CCDC192: variants seen among roughly 807,000 people sequenced by gnomAD.
CCDC192 encodes coiled-coil domain containing 192.
chr5:127,786,338 A>G (rs997917664), intron 3 of CCDC192: 7 of 523,236 alleles, frequency 1.3e-5, no homozygotes, highest in Non-Finnish European at 2.5e-5. Flanking sequence ...TCTGTGACAG[A>G]AAAAAAAAAG....
chr5:127,828,920 G>C (rs1749660402), intron 5 of CCDC192, among the ~76,000 whole-genome samples: 1 of 152,180 alleles, frequency 6.6e-6, no homozygotes, highest in South Asian at 2.1e-4. Flanking sequence ...TTATATTATA[G>C]AAACAGACTG....
chr5:127,905,366 A>C (rs1561546461), intron 6 of CCDC192, among the ~76,000 whole-genome samples: 1 of 152,236 alleles, frequency 6.6e-6, no homozygotes, highest in Non-Finnish European at 1.5e-5. Context: ...AGCACTTGGA[A>C]AAATATTGAA....
At chr5:127,847,683 G>C (rs186740555) in intron 5 of CCDC192, among the ~76,000 whole-genome samples, 1 of 151,832 alleles carries the variant, frequency 6.6e-6, no homozygotes, top group South Asian at 2.1e-4. Flanking sequence ...ATTACCAGGC[G>C]TGGTGGCAGG....
intron 5 of CCDC192, 66 bp from the exon 6 acceptor site, chr5:127,875,472 A>G (rs934109829): frequency 2.5e-6 from 1 of 396,162 alleles, no homozygotes; most frequent in African/African-American, 2.1e-5. Context: ...GACATCATTC[A>G]TTCCTTTTAT....
intron 2 of CCDC192, among the ~76,000 whole-genome samples, chr5:127,741,882 C>G (rs1753440381): frequency 6.6e-6 from 1 of 152,164 alleles, no homozygotes; most frequent in Non-Finnish European, 1.5e-5. Context: ...CTAACATCTA[C>G]CAGAATCTTC....
At chr5:127,887,305 G>C (rs1752595016) in intron 6 of CCDC192, among the ~76,000 whole-genome samples, 1 of 121,666 alleles carries the variant, frequency 8.2e-6, no homozygotes, top group Non-Finnish European at 1.6e-5. Flanking sequence ...CTCCAGCCTG[G>C]GTAACAGAGA....
chr5:127,888,168 C>A (rs1051908735), intron 6 of CCDC192, among the ~76,000 whole-genome samples: 1 of 151,924 alleles, frequency 6.6e-6, no homozygotes, highest in Non-Finnish European at 1.5e-5. Flanking sequence ...GTAATCCCAG[C>A]ACGTTGGGAG....
chr5:127,717,942 A>G (rs1379303919), intron 2 of CCDC192, among the ~76,000 whole-genome samples: 3 of 151,150 alleles, frequency 2.0e-5, no homozygotes, highest in African/African-American at 4.8e-5. Context: ...AAAAAAAAAA[A>G]AAAGAAAACA....
rs548433067 is a variant in CCDC192 at position 127,787,946 on chromosome 5, A to G, written c.223-9157A>G. Among the ~76,000 whole-genome samples the G allele has an allele frequency of 3.3e-5, 5 of 152,184 alleles. No homozygotes were observed. In the South Asian group the frequency reaches 8.3e-4, roughly 25 times the overall value. The stretch of plus-strand genomic sequence containing the variant: ...AAAATACAAAAATTTGCTGGGCATC[A>G]TAATGCATGCCTGTAATCCCAGCTA... On this transcript the variant is annotated intron_variant, in intron 3 of 6. Transcript: ENST00000514853.
At chr5:127,911,892 T>A (rs1753367265) in intron 6 of CCDC192, among the ~76,000 whole-genome samples, 1 of 151,858 alleles carries the variant, frequency 6.6e-6, no homozygotes, top group Admixed American at 6.6e-5. Flanking sequence ...TGGGCTTTTT[T>A]AAGTTCTTTA....
intron 5 of CCDC192, among the ~76,000 whole-genome samples, chr5:127,832,415 G>C (rs529946377): frequency 2.6e-5 from 4 of 152,272 alleles, no homozygotes; most frequent in African/African-American, 9.6e-5. Flanking sequence ...TCCTGCACCA[G>C]AAGAATCGCT....
At chr5:127,733,701 T>G (rs976778753) in intron 2 of CCDC192, among the ~76,000 whole-genome samples, 3 of 152,114 alleles carry the variant, frequency 2.0e-5, no homozygotes, top group African/African-American at 7.2e-5. Context: ...ACCTATAACC[T>G]GTCACTTTCC....
At chr5:127,848,337 A>G (rs2127078819) in intron 5 of CCDC192, among the ~76,000 whole-genome samples, 1 of 152,284 alleles carries the variant, frequency 6.6e-6, no homozygotes, top group South Asian at 2.1e-4. Flanking sequence ...CTTGAGAGTG[A>G]ACTTGGAACT....
At chr5:127,804,670 GT>G (rs1296585414) in intron 5 of CCDC192, among the ~76,000 whole-genome samples, 1 of 152,148 alleles carries the variant, frequency 6.6e-6, no homozygotes, top group African/African-American at 2.4e-5. Flanking sequence ...TATCCCAGTA[GT>G]TCTGAAAATG....
At chr5:127,891,399 G>A (rs527973913) in intron 6 of CCDC192, among the ~76,000 whole-genome samples, 2 of 152,132 alleles carry the variant, frequency 1.3e-5, no homozygotes, top group African/African-American at 2.4e-5. Context: ...CAAGCCATCC[G>A]TGAGGGATTC....
chr5:127,721,912 C>T lies in CCDC192; in HGVS notation c.114+14152C>T, dbSNP rs565690806. Among the ~76,000 whole-genome samples the T allele has an allele frequency of 1.9e-3, 285 of 152,250 alleles. 1 individual carries two copies. Among genetic ancestry groups the T allele is most frequent in the African/African-American group, 6.3e-3 (261 of 41,542 alleles). On this transcript the variant is annotated intron_variant, in intron 2 of 6. Transcript: ENST00000514853. ...TCATGAGAGCTCACTCATTATCATG[C>T]GAACTACAAGGGGGAGTAAGCCCCA...
chr5:127,717,915 A>G lies in CCDC192; in HGVS notation c.114+10155A>G, dbSNP rs749495226. 8.2e-4 allele frequency among the ~76,000 whole-genome samples: 118 copies of G among 143,996 alleles called. 7 individuals carry two copies. The highest frequency in any genetic ancestry group is 3.6e-4 in the Non-Finnish European group (24 of 66,240). 94.5% of individuals were successfully genotyped at this position (143,996 alleles called of 152,430 possible). A position where few individuals can be genotyped will look rare whatever the true frequency, so the allele number is the denominator to read the frequency against. On this transcript the variant is annotated intron_variant, in intron 2 of 6. Coordinates refer to ENST00000514853, the MANE Select transcript of CCDC192 (RefSeq NM_001317938.2). ...ATCTTGTGACCAGAAAATTATAGCAATATAAAGCTAGACAAAAAAAAAAAA... is the reference window on the plus strand; with the variant it reads ...ATCTTGTGACCAGAAAATTATAGCAGTATAAAGCTAGACAAAAAAAAAAAA...
intron 6 of CCDC192, among the ~76,000 whole-genome samples, chr5:127,898,809 A>G (rs1403490407): frequency 1.3e-5 from 2 of 152,182 alleles, no homozygotes; most frequent in African/African-American, 4.8e-5. Context: ...GAGATGGTTC[A>G]AGGGTAAATC....
intron 2 of CCDC192, among the ~76,000 whole-genome samples, chr5:127,745,531 T>C (rs1235742882): frequency 1.3e-5 from 2 of 152,200 alleles, no homozygotes; most frequent in East Asian, 3.8e-4. Flanking sequence ...TTTAGTATCA[T>C]TTTAGATTGA....
Sources: gnomAD v4.1 joint callset for allele counts (sites outside exome capture counted in the v4.1 genomes callset) on GRCh38, gnomAD v4.1.1 for gene constraint, MANE v1.5 for transcripts, NCBI Gene and HGNC (gene_info 2026-07-23, HGNC 2026-07-21) for gene names.